THSD7B: variants seen among roughly 807,000 people sequenced by gnomAD.
The protein encoded by THSD7B is thrombospondin type 1 domain containing 7B.
THSD7B carries 138 observed loss-of-function variants against 213.6 expected under a neutral mutation model. The ratio of observed to expected loss-of-function variants is 0.65; its 90% CI spans 0.56 to 0.74. THSD7B has a LOEUF of 0.74. Among genes scored for constraint, THSD7B ranks in the 30% least tolerant of loss-of-function variants. The pLI, the probability that THSD7B is intolerant of heterozygous loss-of-function variation, is 0.00. For missense variants in THSD7B, 1,931 were observed against 1,991.5 expected, an observed-to-expected ratio of 0.97 and a Z score of 0.58; for synonymous variants, 742 against 687.0, an observed-to-expected ratio of 1.08 and a Z score of -1.25.
At chr2:136,824,907 T>C (rs1282502854) in intron 1 of THSD7B, among the ~76,000 whole-genome samples, 1 of 152,204 alleles carries the variant, frequency 6.6e-6, no homozygotes, top group African/African-American at 2.4e-5. Flanking sequence ...TGACAAGATA[T>C]GTGTCTCTAT....
intron 1 of THSD7B, among the ~76,000 whole-genome samples, chr2:136,771,871 A>G (rs1004417488): frequency 6.6e-6 from 1 of 152,080 alleles, no homozygotes; most frequent in Non-Finnish European, 1.5e-5. Flanking sequence ...CCATTTGAGG[A>G]TCTGTAAGGT....
In THSD7B at chr2:137,655,679, T is replaced by C. The variant is rs1207359203; in HGVS notation, c.4105+19T>C. 6.2e-7 allele frequency: 1 copy of C among 1,608,518 alleles called. No homozygotes were observed. Among genetic ancestry groups the C allele is most frequent in the Admixed American group, 1.7e-5 (1 of 59,482 alleles). The stretch of plus-strand genomic sequence containing the variant: ...TGCCCAGGTATGCAATGCTAGTGAT[T>C]GGGAGCGCCTCCCATGGTGATCTTT... On this transcript the variant is annotated intron_variant, in intron 22 of 27. Transcript: ENST00000409968.
At chr2:137,130,094 C>T (rs1442482796) in intron 5 of THSD7B, among the ~76,000 whole-genome samples, 1 of 152,014 alleles carries the variant, frequency 6.6e-6, no homozygotes, top group Non-Finnish European at 1.5e-5. Context: ...GAGGGGATTG[C>T]ATTGGGAAGC....
chr2:137,271,656 T>C (rs1313822312), intron 10 of THSD7B, among the ~76,000 whole-genome samples: 1 of 151,792 alleles, frequency 6.6e-6, no homozygotes, highest in East Asian at 1.9e-4. Context: ...CTGACACTGC[T>C]CACACTGCAA....
At chr2:136,955,530 C>T (rs1193278179) in intron 2 of THSD7B, among the ~76,000 whole-genome samples, 2 of 152,070 alleles carry the variant, frequency 1.3e-5, no homozygotes, top group Non-Finnish European at 2.9e-5. Flanking sequence ...ACAGAACCAG[C>T]CCTCAGAGTT....
At chr2:137,580,179 A>T (rs981687625) in intron 17 of THSD7B, among the ~76,000 whole-genome samples, 1 of 152,152 alleles carries the variant, frequency 6.6e-6, no homozygotes, top group African/African-American at 2.4e-5. Context: ...TATACCAACT[A>T]GTTTCTGGAT....
Position 137,393,738 on chromosome 2 carries a change from TG to T in THSD7B, c.2501-11874del, listed in dbSNP as rs1457290713. On this transcript the variant is annotated intron_variant, in intron 12 of 27. Transcript: ENST00000409968. ...CTAGATCCCTGAGGAATCACCACAC[TG>T]ACGTCCACAATGGTTGAACTAGTTT... 1.4e-5 allele frequency among the ~76,000 whole-genome samples: 2 copies of T among 141,036 alleles called. 1 individual carries two copies. The highest frequency in any genetic ancestry group is 3.2e-5 in the Non-Finnish European group (2 of 63,344). 92.5% of individuals were successfully genotyped at this position (141,036 alleles called of 152,430 possible).
chr2:137,648,745 ATGTG>A (rs138661553), intron 21 of THSD7B, among the ~76,000 whole-genome samples: 1 of 151,404 alleles, frequency 6.6e-6, no homozygotes, highest in Non-Finnish European at 1.5e-5. Context: ...GAGTATATAA[ATGTG>A]TGTGTGTGTG....
At chr2:136,981,688 C>T (rs938477556) in intron 2 of THSD7B, among the ~76,000 whole-genome samples, 4 of 152,154 alleles carry the variant, frequency 2.6e-5, no homozygotes, top group East Asian at 3.9e-4. Flanking sequence ...TTTATTCCTT[C>T]GACAAGTTTC....
At chr2:137,279,990 CA>C (rs1457489991) in intron 12 of THSD7B, among the ~76,000 whole-genome samples, 1 of 152,140 alleles carries the variant, frequency 6.6e-6, no homozygotes, top group Non-Finnish European at 1.5e-5. Flanking sequence ...TGAGGTTACA[CA>C]TTCTCATGAA....
At chr2:137,119,891 G>T (rs1009731421) in intron 5 of THSD7B, among the ~76,000 whole-genome samples, 1 of 152,102 alleles carries the variant, frequency 6.6e-6, no homozygotes, top group Admixed American at 6.5e-5. Context: ...ATATCTTAAG[G>T]GGCAATTGGA....
intron 12 of THSD7B, among the ~76,000 whole-genome samples, chr2:137,282,212 G>C (rs547530053): frequency 9.2e-5 from 14 of 152,128 alleles, no homozygotes; most frequent in African/African-American, 2.9e-4. Flanking sequence ...CTTTTGAGAA[G>C]TGTCTGTTCA....
chr2:137,499,235 T>G (rs1249949340), intron 15 of THSD7B, among the ~76,000 whole-genome samples: 1 of 152,224 alleles, frequency 6.6e-6, no homozygotes, highest in Non-Finnish European at 1.5e-5. Flanking sequence ...GCTTCTTCCA[T>G]CTATTCTATT....
At chr2:136,803,083 T>C (rs1269341738) in intron 1 of THSD7B, among the ~76,000 whole-genome samples, 6 of 151,970 alleles carry the variant, frequency 3.9e-5, no homozygotes, top group African/African-American at 1.4e-4. Context: ...ATCCTTGATA[T>C]TATAGATTCC....
chr2:137,619,072 T>C (rs1350299379), intron 19 of THSD7B, among the ~76,000 whole-genome samples: 1 of 152,150 alleles, frequency 6.6e-6, no homozygotes, highest in African/African-American at 2.4e-5. Flanking sequence ...TTCCAAACTA[T>C]ATGGAGTTCA....
At chr2:136,987,139 A>G (rs1685686506) in intron 2 of THSD7B, among the ~76,000 whole-genome samples, 1 of 152,206 alleles carries the variant, frequency 6.6e-6, no homozygotes, top group African/African-American at 2.4e-5. Context: ...TTCAAGCAAC[A>G]TTTCAATATG....
intron 12 of THSD7B, among the ~76,000 whole-genome samples, chr2:137,331,874 G>T (rs1051860333): frequency 6.6e-6 from 1 of 152,076 alleles, no homozygotes; most frequent in African/African-American, 2.4e-5. Context: ...CATTGCCCGG[G>T]GCCGGCGGGG....
intron 2 of THSD7B, among the ~76,000 whole-genome samples, chr2:137,047,582 G>A (rs1408771120): frequency 1.3e-5 from 2 of 152,148 alleles, no homozygotes; most frequent in African/African-American, 4.8e-5. Context: ...CCATGCAGGA[G>A]GGGTGCTGAA....
At chr2:137,310,726 T>C (rs1229467424) in intron 12 of THSD7B, among the ~76,000 whole-genome samples, 2 of 152,078 alleles carry the variant, frequency 1.3e-5, no homozygotes, top group African/African-American at 2.4e-5. Context: ...TACATATGGC[T>C]AGCCAGTTTT....
Sources: gnomAD v4.1 joint callset for allele counts (sites outside exome capture counted in the v4.1 genomes callset) on GRCh38, gnomAD v4.1.1 for gene constraint, MANE v1.5 for transcripts, NCBI Gene and HGNC (gene_info 2026-07-23, HGNC 2026-07-21) for gene names.